Variants in ERBB4 observed in about 807,000 individuals in gnomAD.
ERBB4 encodes receptor tyrosine-protein kinase erbB-4.
In ERBB4, 42 loss-of-function variants were observed where a neutral mutation model predicts 158.0. The ratio of observed to expected loss-of-function variants is 0.27; its 90% CI spans 0.21 to 0.34. The LOEUF (loss-of-function observed/expected upper bound fraction) is 0.34. Ranked by LOEUF, ERBB4 falls within the 10% of genes least tolerant of loss-of-function variation. ERBB4 has a pLI of 1.00. For missense variants in ERBB4, 1,333 were observed against 1,624.1 expected (o/e 0.82, Z 3.08); for synonymous variants, 583 against 558.7 (o/e 1.04, Z -0.61).
intron 3 of ERBB4, among the ~76,000 whole-genome samples, chr2:211,944,066 A>G (rs1190763148): frequency 8.3e-6 from 1 of 120,328 alleles, no homozygotes; most frequent in African/African-American, 3.0e-5. Flanking sequence ...ATATATATAT[A>G]TACACATGGT....
At chr2:212,036,222 TCTC>T (rs1296351300) in intron 2 of ERBB4, among the ~76,000 whole-genome samples, 2 of 152,092 alleles carry the variant, frequency 1.3e-5, no homozygotes, top group African/African-American at 4.8e-5. Context: ...TCCAAAGGCT[TCTC>T]CTGAACTGTG....
intron 3 of ERBB4, among the ~76,000 whole-genome samples, chr2:211,800,921 G>T (rs956771664): frequency 6.6e-6 from 1 of 152,168 alleles, no homozygotes; most frequent in Non-Finnish European, 1.5e-5. Context: ...CTTAGTGTTT[G>T]AAAGCTCTGC....
chr2:211,573,278 G>A lies in ERBB4; in HGVS notation c.2302-11190C>T, dbSNP rs114786062. 4.7e-3 allele frequency among the ~76,000 whole-genome samples: 713 copies of A among 152,214 alleles called. 5 individuals are homozygous for A. The highest frequency in any genetic ancestry group is 0.016 in the African/African-American group (680 of 41,530). On this transcript the variant is annotated intron_variant, in intron 19 of 27. Transcript: ENST00000342788. ...GTATTTTTCCCTAGAGCTTCTGGAG[G>A]GAATGCAGCCCTACCAACATCTTGA...
intron 19 of ERBB4, among the ~76,000 whole-genome samples, chr2:211,611,755 G>A (rs2069208720): frequency 6.6e-6 from 1 of 152,128 alleles, no homozygotes; most frequent in Admixed American, 6.6e-5. Flanking sequence ...TTTAGCTGGA[G>A]AAGCAAACAG....
intron 2 of ERBB4, among the ~76,000 whole-genome samples, chr2:212,102,799 A>G (rs1175845201): frequency 6.6e-6 from 1 of 152,108 alleles, no homozygotes; most frequent in East Asian, 1.9e-4. Flanking sequence ...TTGATCTTCC[A>G]CCATATTCTT....
At chr2:212,475,161 C>G (rs912629136) in intron 1 of ERBB4, among the ~76,000 whole-genome samples, 5 of 152,168 alleles carry the variant, frequency 3.3e-5, no homozygotes, top group Non-Finnish European at 7.3e-5. Context: ...CTCCAACTTA[C>G]TACTAGCACC....
chr2:211,560,129 C>CA (rs781532992), intron 20 of ERBB4, among the ~76,000 whole-genome samples: 18 of 151,956 alleles, frequency 1.2e-4, no homozygotes, highest in Non-Finnish European at 2.4e-4. Context: ...TCAGGAAACT[C>CA]AAAGTAGTTT....
Position 211,628,973 on chromosome 2 carries a change from G to T in ERBB4, c.2079+1489C>A, listed in dbSNP as rs189885047. Among the ~76,000 whole-genome samples, 94 of 152,236 alleles carry T rather than the reference G, an allele frequency of 6.2e-4. 1 individual carries two copies. The East Asian group carries it at 7.9e-3, about 13-fold the overall frequency. The stretch of plus-strand genomic sequence containing the variant: ...TTTGGCTGCATGAATGTCTTCTTTT[G>T]AGAAATGTCTGTTCATATACTTTGC... On this transcript the variant is annotated intron_variant, in intron 17 of 27. Transcript: ENST00000342788.
Position 211,382,410 on chromosome 2 carries a change from T to C in ERBB4, c.*1205A>G. On this transcript the variant is annotated 3_prime_UTR_variant, in exon 28 of 28. Transcript: ENST00000342788. ...CTTGGTTTGGCATTTCCACAGTCTT[T>C]ATCTTAGCTCTTTTTTTAAAAATGT... The C allele has an allele frequency of 4.3e-6, 1 of 232,596 alleles. No individual in the cohort carries two copies. The allele number at this position is 232,596 out of a possible 1,614,324, so 14.4% of individuals were successfully genotyped here.
intron 4 of ERBB4, among the ~76,000 whole-genome samples, chr2:211,768,314 CT>C (rs1474874844): frequency 2.0e-5 from 3 of 152,200 alleles, no homozygotes; most frequent in African/African-American, 7.2e-5. Context: ...GTATCTGCAG[CT>C]TTTCCAGGCA....
intron 1 of ERBB4, among the ~76,000 whole-genome samples, chr2:212,372,464 G>A (rs1457242269): frequency 6.6e-6 from 1 of 152,008 alleles, no homozygotes; most frequent in Non-Finnish European, 1.5e-5. Flanking sequence ...TTAAAAAGAT[G>A]CCTGGCCAGG....
At chr2:211,730,784 C>T (rs1015292533) in intron 5 of ERBB4, among the ~76,000 whole-genome samples, 5 of 152,034 alleles carry the variant, frequency 3.3e-5, no homozygotes, top group East Asian at 1.9e-4. Flanking sequence ...AAATCAAAAT[C>T]GCTGGCAATT....
intron 2 of ERBB4, among the ~76,000 whole-genome samples, chr2:211,957,591 G>C (rs897509068): frequency 6.6e-6 from 1 of 152,050 alleles, no homozygotes; most frequent in African/African-American, 2.4e-5. Flanking sequence ...CTGTAAAATG[G>C]GGATGTTAAG....
At chr2:212,269,425 G>A (rs143249261) in intron 1 of ERBB4, among the ~76,000 whole-genome samples, 281 of 151,896 alleles carry the variant, frequency 1.8e-3, no homozygotes, top group South Asian at 2.5e-3. Flanking sequence ...ATTCATGTGT[G>A]GGGAAAGCCA....
At chr2:212,080,133 G>A (rs571890474) in intron 2 of ERBB4, among the ~76,000 whole-genome samples, 1 of 151,872 alleles carries the variant, frequency 6.6e-6, no homozygotes, top group South Asian at 2.1e-4. Context: ...CCAACATGGT[G>A]AAACCCCGTC....
intron 20 of ERBB4, among the ~76,000 whole-genome samples, chr2:211,524,843 AAGGGCTCCTCAG>A: frequency 7.0e-6 from 1 of 142,110 alleles, no homozygotes; most frequent in African/African-American, 3.1e-5. Flanking sequence ...CGGTGGGCTG[AAGGGCTCCTCAG>A]GTGCCGCCAA....
chr2:212,035,101 C>T (rs530460378), intron 2 of ERBB4, among the ~76,000 whole-genome samples: 11 of 152,300 alleles, frequency 7.2e-5, no homozygotes, highest in South Asian at 2.1e-4. Flanking sequence ...TAAATCAATG[C>T]AATTCTCCTC....
chr2:211,944,156 T>C (rs2080590405), intron 3 of ERBB4, among the ~76,000 whole-genome samples: 1 of 122,382 alleles, frequency 8.2e-6, no homozygotes, highest in South Asian at 2.4e-4. Context: ...ATACACTATA[T>C]ATATACACTA....
At chr2:211,961,698 C>A (rs1343447903) in intron 2 of ERBB4, among the ~76,000 whole-genome samples, 1 of 152,078 alleles carries the variant, frequency 6.6e-6, no homozygotes, top group African/African-American at 2.4e-5. Context: ...GATCCAGCTG[C>A]CATTTGTTGG....
Sources: allele counts gnomAD v4.1 joint callset (sites outside exome capture counted in the v4.1 genomes callset), GRCh38; gene constraint gnomAD v4.1.1; transcripts MANE v1.5; gene names NCBI Gene and HGNC (gene_info 2026-07-23, HGNC 2026-07-21).